KRT75: variants seen among roughly 807,000 people sequenced by gnomAD.
KRT75 encodes keratin, type II cytoskeletal 75.
A neutral mutation model predicts 48.8 loss-of-function variants in KRT75; 35 were observed. The observed-to-expected ratio is 0.72, with a 90% CI of 0.55 to 0.95. The LOEUF (loss-of-function observed/expected upper bound fraction) is 0.95, where lower values mean the gene tolerates loss of function less well. Ranked by LOEUF, KRT75 falls within the 40% of genes least tolerant of loss-of-function variation. The probability of loss-of-function intolerance (pLI) is 0.00; values close to 1 mark genes in which losing one functional copy is unlikely to be tolerated. For missense variants in KRT75, 776 were observed against 709.9 expected (o/e 1.09, Z -1.06); for synonymous variants, 301 against 282.3 (o/e 1.07, Z -0.66).
intron 4 of KRT75, among the ~76,000 whole-genome samples, chr12:52,431,156 A>C (rs1244628398): frequency 6.6e-6 from 1 of 150,380 alleles, no homozygotes. Context: ...TTCAAAGGGT[A>C]GGAAGCCCCC....
Position 52,431,867 on chromosome 12 carries a change from G to A in KRT75, c.774+139C>T, listed in dbSNP as rs1003289627. ...GGGGCCATCAACGTAGAGGGAACATGTTGGGAGGTTTGAACTCTGCAGATA... is the reference window on the plus strand; with the variant it reads ...GGGGCCATCAACGTAGAGGGAACATATTGGGAGGTTTGAACTCTGCAGATA... On this transcript the variant is annotated intron_variant, in intron 3 of 8. Transcript: ENST00000252245. The A allele has an allele frequency of 1.8e-5, 16 of 868,100 alleles. No individual in the cohort carries two copies. In the South Asian group the frequency reaches 2.1e-4, roughly 12 times the overall value. The allele number at this position is 868,100 out of a possible 1,614,324, so 53.8% of individuals were successfully genotyped here.
chr12:52,431,119 G>T (rs1022210275), intron 4 of KRT75, among the ~76,000 whole-genome samples: 1 of 151,940 alleles, frequency 6.6e-6, no homozygotes, highest in Admixed American at 6.5e-5. Flanking sequence ...TCTGCCTTTG[G>T]AGGGGTAGCG....
intron 4 of KRT75, among the ~76,000 whole-genome samples, chr12:52,430,933 G>T (rs530303541): frequency 6.6e-6 from 1 of 152,304 alleles, no homozygotes; most frequent in South Asian, 2.1e-4. Context: ...GCATGAGGGT[G>T]GGTAAGCATC....
chr12:52,429,859 G>A (rs915082149), intron 5 of KRT75, among the ~76,000 whole-genome samples: 4 of 152,160 alleles, frequency 2.6e-5, no homozygotes, highest in Non-Finnish European at 4.4e-5. Context: ...GGTATCATGG[G>A]TCAATTGTAC....
At chr12:52,426,340 G>A (rs746507190) in intron 8 of KRT75, among the ~76,000 whole-genome samples, 4 of 152,248 alleles carry the variant, frequency 2.6e-5, no homozygotes, top group Admixed American at 1.3e-4. Flanking sequence ...GTTGAGCCAA[G>A]CAGTGGAGCT....
intron 4 of KRT75, 120 bp from the exon 5 acceptor site, chr12:52,430,825 C>G (rs1245273004): frequency 2.3e-5 from 26 of 1,124,218 alleles, no homozygotes; most frequent in Non-Finnish European, 2.7e-5. Context: ...ATTCTCCCAG[C>G]TATTCCCTAG....
At chr12:52,432,954 A>G (rs1023525484) in intron 2 of KRT75, 84 bp downstream of exon 2, 51 of 1,380,246 alleles carry the variant, frequency 3.7e-5, no homozygotes, top group Non-Finnish European at 1.3e-5. Flanking sequence ...TGATATCGGC[A>G]TTTGCTCCTT....
At position 52,433,055 on chromosome 12, in the gene KRT75, C is replaced by T; in HGVS notation, c.696G>A (p.Val232=). The T allele has an allele frequency of 6.2e-7, 1 of 1,614,048 alleles. No individual in the cohort carries two copies. The highest frequency in any genetic ancestry group is 1.7e-5 in the Admixed American group (1 of 60,006). The change falls in exon 2 of 9, where the codon GTG becomes GTA. Residue 232 remains valine, a synonymous_variant. Coordinates refer to ENST00000252245, the MANE Select transcript of KRT75 (RefSeq NM_004693.3). ...CCACTTACCTGACTTTGAAATCTTC[C>T]ACAACATCCTGCATGTTCCTCAGTT... is the stretch of plus-strand genomic sequence containing the variant. ...EAELRNMQDV[V]EDFKVRYEDE...
chr12:52,432,474 G>T (rs1940157577), intron 2 of KRT75, among the ~76,000 whole-genome samples: 1 of 152,154 alleles, frequency 6.6e-6, no homozygotes, highest in African/African-American at 2.4e-5. Context: ...TGGCCCCTGA[G>T]AAATATGCTT....
At position 52,424,730 on chromosome 12, in the gene KRT75, A is replaced by G. The variant is rs765290934; in HGVS notation, c.1443T>C (p.Ser481=). 3 of 1,613,920 alleles carry G rather than the reference A, an allele frequency of 1.9e-6. No individual in the cohort carries two copies. The South Asian group carries it at 3.3e-5, about 18-fold the overall frequency. ...CAATGCTGCTGCCGCTTCCATAGCC[A>G]CTGGAAAGAGTAGAGGTGACCACAG... ...NISVVTSTLS[S]GYGSGSSIGG... is the part of the protein sequence containing the mutation. Residue 481 remains serine, a synonymous_variant, in exon 9 of 9, where the codon AGT becomes AGC. Coordinates refer to ENST00000252245, the MANE Select transcript of KRT75 (RefSeq NM_004693.3).
At chr12:52,428,556 A>G in intron 6 of KRT75, 62 bp downstream of exon 6, 1 of 1,613,966 alleles carries the variant, frequency 6.2e-7, no homozygotes, top group Non-Finnish European at 8.5e-7. Context: ...GTTCTTAAAG[A>G]TGGCAGAAAG....
At chr12:52,426,961 T>C (rs752582524) in intron 7 of KRT75, 110 bp from the exon 8 acceptor site, 23 of 895,564 alleles carry the variant, frequency 2.6e-5, no homozygotes, top group Non-Finnish European at 4.2e-5. Context: ...CATACTTTAT[T>C]ATTTTTATTG....
At chr12:52,431,485 A>G (rs1940143080) in intron 4 of KRT75, 58 bp downstream of exon 4, 2 of 1,227,688 alleles carry the variant, frequency 1.6e-6, no homozygotes, top group Non-Finnish European at 2.4e-6. Flanking sequence ...ACAATGCATC[A>G]TCCTTTTCTT....
At chr12:52,427,886 T>C (rs1030696309) in intron 7 of KRT75, among the ~76,000 whole-genome samples, 9 of 152,164 alleles carry the variant, frequency 5.9e-5, no homozygotes, top group Non-Finnish European at 1.3e-4. Context: ...AGACTGACTT[T>C]CCCAAGGTTA....
rs570542181 is a variant in KRT75 at position 52,431,652 on chromosome 12, G to A, written c.775-14C>T. ...AGCATCTACGTCCTGGAATGACAGC[G>A]CAGGATGCTCCTTTGAGTCTGCAGC... is the stretch of plus-strand genomic sequence containing the variant. On this transcript the variant is annotated splice_polypyrimidine_tract_variant and intron_variant, in intron 3 of 8. Coordinates refer to ENST00000252245, the MANE Select transcript of KRT75 (RefSeq NM_004693.3). 3.9e-5 allele frequency: 61 copies of A among 1,579,236 alleles called. No individual in the cohort carries two copies. In the East Asian group the frequency reaches 4.3e-4, roughly 11 times the overall value.
chr12:52,431,871 G>A, intron 3 of KRT75, 135 bp downstream of exon 3: 1 of 882,596 alleles, frequency 1.1e-6, no homozygotes, highest in Non-Finnish European at 1.9e-6. Context: ...GAACATGTTG[G>A]GAGGTTTGAA....
Position 52,432,022 on chromosome 12 carries a change from A to C in KRT75, c.758T>G (p.Phe253Cys). The C allele has an allele frequency of 6.2e-7, 1 of 1,614,192 alleles. No individual in the cohort carries two copies. The highest frequency in any genetic ancestry group is 8.5e-7 in the Non-Finnish European group (1 of 1,180,036). The change falls in exon 3 of 9, where the codon TTT becomes TGT. Residue 253 changes from phenylalanine to cysteine, a missense_variant. Phe to Cys is a radical substitution (Grantham distance 205). Transcript: ENST00000252245. ...CCCACTCACCTTTTTCAGGGCTACA[A>C]ATTCATTCTCAGCAGCTGTGCGCTT... is the stretch of plus-strand genomic sequence containing the variant. ...INKRTAAENE[F>C]VALKKDVDAA...
chr12:52,425,937 G>A (rs1816617429), intron 8 of KRT75, among the ~76,000 whole-genome samples: 1 of 152,194 alleles, frequency 6.6e-6, no homozygotes, highest in South Asian at 2.1e-4. Flanking sequence ...GGAGCTTCAA[G>A]GTTATGCTTG....
rs750615479 is a variant in KRT75 at position 52,424,704 on chromosome 12, C to T, written c.1469G>A (p.Gly490Glu). The T allele has an allele frequency of 3.3e-5, 54 of 1,614,008 alleles. No homozygotes were observed. Among genetic ancestry groups the T allele is most frequent in the Middle Eastern group, 1.6e-4 (1 of 6,084 alleles). The change falls in exon 9 of 9, where the codon GGA becomes GAA. Residue 490 changes from glycine (G) to glutamate (E), a missense_variant. Physicochemically the swap from Gly to Glu is moderately conservative, Grantham distance 98. Coordinates refer to ENST00000252245, the MANE Select transcript of KRT75 (RefSeq NM_004693.3). The part of the protein sequence containing the change: ...SSGYGSGSSI[G>E]GGNLGLGGGS... ...CCCACCGAGGCCCAGGTTTCCACCT[C>T]CAATGCTGCTGCCGCTTCCATAGCC... is the stretch of plus-strand genomic sequence containing the variant.
Sources: allele counts gnomAD v4.1 joint callset (sites outside exome capture counted in the v4.1 genomes callset), GRCh38; gene constraint gnomAD v4.1.1; transcripts MANE v1.5; gene names NCBI Gene and HGNC (gene_info 2026-07-23, HGNC 2026-07-21).